ACTR3C: variants seen among roughly 807,000 people sequenced by gnomAD.
The protein encoded by ACTR3C is actin related protein 3C.
In ACTR3C, 18 loss-of-function variants were observed where a neutral mutation model predicts 26.3. That is an observed-to-expected ratio of 0.68 (90% confidence interval 0.47 to 1.01). The LOEUF (loss-of-function observed/expected upper bound fraction) is 1.01. Among genes scored for constraint, ACTR3C ranks in the 50% least tolerant of loss-of-function variants. The pLI, the probability that ACTR3C is intolerant of heterozygous loss-of-function variation, is 0.00. For missense variants in ACTR3C, 184 were observed against 250.7 expected, an observed-to-expected ratio of 0.73 and a Z score of 1.80; for synonymous variants, 55 against 94.5, an observed-to-expected ratio of 0.58 and a Z score of 2.42.
chr7:149,993,356 G>A, the ACTR3C span, among the ~76,000 whole-genome samples: 2 of 152,210 alleles, frequency 1.3e-5, no homozygotes, highest in African/African-American at 4.8e-5. Context: ...AAGCAGGGGT[G>A]CACTTGTATA....
the ACTR3C span, among the ~76,000 whole-genome samples, chr7:149,965,756 T>G: frequency 6.6e-6 from 1 of 152,268 alleles, no homozygotes; most frequent in Non-Finnish European, 1.5e-5. Context: ...CTAAATCTTA[T>G]GATAAATAAG....
the ACTR3C span, among the ~76,000 whole-genome samples, chr7:149,882,602 C>T: frequency 5.9e-5 from 9 of 152,190 alleles, no homozygotes; most frequent in Admixed American, 2.0e-4. Flanking sequence ...TGGTGAGGAC[C>T]GTGTTCCTCC....
At chr7:150,047,306 CAG>C in the ACTR3C span, among the ~76,000 whole-genome samples, 3 of 152,206 alleles carry the variant, frequency 2.0e-5, no homozygotes, top group Non-Finnish European at 4.4e-5. Flanking sequence ...CTGTTAAAAA[CAG>C]ACATCCGCAC....
the ACTR3C span, among the ~76,000 whole-genome samples, chr7:150,019,599 A>AAAAAATAAT: frequency 2.0e-4 from 22 of 109,810 alleles, 1 homozygote; most frequent in African/African-American, 6.8e-4. Flanking sequence ...TCAAAAATAA[A>AAAAAATAAT]AATAATAATA....
At chr7:149,983,596 C>CCATATAA in the ACTR3C span, among the ~76,000 whole-genome samples, 1 of 150,678 alleles carries the variant, frequency 6.6e-6, no homozygotes, top group South Asian at 2.1e-4. Flanking sequence ...AATAGAACCA[C>CCATATAA]CATATAATCC....
the ACTR3C span, among the ~76,000 whole-genome samples, chr7:149,995,030 TTTTTGGTAGAGATGG>T: frequency 4.6e-5 from 7 of 152,030 alleles, no homozygotes; most frequent in African/African-American, 7.2e-5. Flanking sequence ...AATTTTTGTA[TTTTTGGTAGAGATGG>T]GGTTTCACCA....
At chr7:150,123,898 C>A in the ACTR3C span, among the ~76,000 whole-genome samples, 1 of 152,170 alleles carries the variant, frequency 6.6e-6, no homozygotes, top group South Asian at 2.1e-4. Flanking sequence ...GGCCACGGAG[C>A]CACGTGGCAA....
the ACTR3C span, among the ~76,000 whole-genome samples, chr7:149,883,634 G>A: frequency 6.6e-6 from 1 of 152,228 alleles, no homozygotes; most frequent in African/African-American, 2.4e-5. Flanking sequence ...GCGAGCCCTC[G>A]TCCAATCTGC....
At chr7:150,299,095 G>C (rs1231424456) in intron 1 of ACTR3C, among the ~76,000 whole-genome samples, 1 of 145,320 alleles carries the variant, frequency 6.9e-6, no homozygotes, top group African/African-American at 2.6e-5. Context: ...CAATTCTCCT[G>C]CCTCTGCCTC....
the ACTR3C span, among the ~76,000 whole-genome samples, chr7:150,034,039 G>C: frequency 3.3e-5 from 5 of 150,548 alleles, no homozygotes; most frequent in African/African-American, 5.0e-5. Context: ...GCCAGGGGGG[G>C]AAGAGGGGTT....
chr7:150,086,199 G>C, the ACTR3C span, among the ~76,000 whole-genome samples: 2 of 152,080 alleles, frequency 1.3e-5, no homozygotes, highest in Non-Finnish European at 2.9e-5. Flanking sequence ...GGGCAGGTTG[G>C]TCTCGAACTC....
chr7:150,040,792 G>A, the ACTR3C span: 2 of 146,674 alleles, frequency 1.4e-5, no homozygotes, highest in African/African-American at 2.7e-5. Flanking sequence ...CTCAGTCCCC[G>A]CCTTGCGGGG....
chr7:150,015,230 G>A, the ACTR3C span, among the ~76,000 whole-genome samples: 2 of 152,182 alleles, frequency 1.3e-5, no homozygotes, highest in Admixed American at 6.5e-5. Flanking sequence ...CGCTGTCCCT[G>A]TGCTGCTGTG....
the ACTR3C span, among the ~76,000 whole-genome samples, chr7:150,188,314 G>C: frequency 1.3e-5 from 2 of 151,712 alleles, no homozygotes. Flanking sequence ...TTGTAGCTGA[G>C]TAGTGTTCCA....
intron 4 of ACTR3C, 125 bp from the exon 5 acceptor site, chr7:150,286,665 T>G: frequency 7.8e-7 from 1 of 1,286,162 alleles, no homozygotes; most frequent in Non-Finnish European, 1.1e-6. Context: ...CCACCGTTAC[T>G]CTAGTGTGGA....
At chr7:149,917,464 C>G in the ACTR3C span, among the ~76,000 whole-genome samples, 1 of 152,220 alleles carries the variant, frequency 6.6e-6, no homozygotes, top group East Asian at 1.9e-4. Flanking sequence ...AATATGTAGA[C>G]TTTTCAGTTC....
At chr7:150,122,476 CAT>C in the ACTR3C span, among the ~76,000 whole-genome samples, 6 of 152,266 alleles carry the variant, frequency 3.9e-5, no homozygotes, top group African/African-American at 9.6e-5. Flanking sequence ...AGCCAACAAA[CAT>C]ATGAAAAAAA....
chr7:150,254,326 C>T (rs1228997858), intron 6 of ACTR3C, among the ~76,000 whole-genome samples: 1 of 152,146 alleles, frequency 6.6e-6, no homozygotes, highest in African/African-American at 2.4e-5. Context: ...ATGGCAGAAT[C>T]AAGTATAAAT....
At chr7:149,899,885 T>A in the ACTR3C span, among the ~76,000 whole-genome samples, 1 of 88,308 alleles carries the variant, frequency 1.1e-5, no homozygotes, top group African/African-American at 3.3e-5. Context: ...TACTCAAACT[T>A]CTAAAAACTA....
Sources: gnomAD v4.1 joint callset for allele counts (sites outside exome capture counted in the v4.1 genomes callset) on GRCh38, gnomAD v4.1.1 for gene constraint, MANE v1.5 for transcripts, NCBI Gene and HGNC (gene_info 2026-07-23, HGNC 2026-07-21) for gene names.